C1orf116: variants seen among roughly 807,000 people sequenced by gnomAD.
The protein encoded by C1orf116 is specifically androgen-regulated gene protein.
C1orf116 carries 12 observed loss-of-function variants against 14.1 expected under a neutral mutation model. The observed-to-expected ratio is 0.85, with a 90% confidence interval of 0.54 to 1.38. C1orf116 has a LOEUF of 1.38. Ranked by LOEUF, C1orf116 falls within the 40% of genes most tolerant of loss-of-function variation. C1orf116 has a pLI of 0.00. For missense variants in C1orf116, 797 were observed against 747.0 expected (o/e 1.07, Z -0.78); for synonymous variants, 296 against 299.0 (o/e 0.99, Z 0.10).
At position 207,021,902 on chromosome 1, in the gene C1orf116, T is replaced by G; in HGVS notation, c.*56A>C. Reference sequence around the variant, plus strand: ...TTGCGTGGTGGCAAAGGCTCCCAAGTGGAGCATGTGTCTCTTCTTGTTCAG... The same window carrying G: ...TTGCGTGGTGGCAAAGGCTCCCAAGGGGAGCATGTGTCTCTTCTTGTTCAG... On this transcript the variant is annotated 3_prime_UTR_variant, in exon 4 of 4. Transcript: ENST00000359470. 2.1e-6 allele frequency: 3 copies of G among 1,462,646 alleles called. No homozygotes were observed. Among genetic ancestry groups the G allele is most frequent in the Non-Finnish European group, 2.7e-6 (3 of 1,102,210 alleles). The allele number at this position is 1,462,646 out of a possible 1,614,324, so 90.6% of individuals were successfully genotyped here. A position where few individuals can be genotyped will look rare whatever the true frequency, so the allele number is the denominator to read the frequency against.
intron 1 of C1orf116, among the ~76,000 whole-genome samples, chr1:207,031,386 C>T (rs750110948): frequency 2.0e-5 from 3 of 152,102 alleles, no homozygotes; most frequent in Non-Finnish European, 4.4e-5. Context: ...CTAAATTCAC[C>T]ATCTAGGGCA....
chr1:207,026,395 T>C (rs1276970825), intron 2 of C1orf116, among the ~76,000 whole-genome samples: 1 of 152,248 alleles, frequency 6.6e-6, no homozygotes, highest in Non-Finnish European at 1.5e-5. Flanking sequence ...CCTTCATGAA[T>C]GATTCACTTT....
rs781000116 is a variant in C1orf116 at position 207,023,283 on chromosome 1, G to C, written c.481C>G (p.Pro161Ala). Reference sequence around the variant, plus strand: ...TCAGGCTCTGGCGCAAGCCTCCCCGGTTCTCCAGGGTTGTGACTGCTAGCC... The same window carrying C: ...TCAGGCTCTGGCGCAAGCCTCCCCGCTTCTCCAGGGTTGTGACTGCTAGCC... ...TQASSHNPGEPGRLAPEPEKE... is the reference protein window; with the variant it reads ...TQASSHNPGEAGRLAPEPEKE... Residue 161 changes from proline to alanine, a missense_variant, in exon 4 of 4, where the codon CCG becomes GCG. Coordinates refer to ENST00000359470, the MANE Select transcript of C1orf116 (RefSeq NM_023938.6). The C allele has an allele frequency of 7.4e-6, 12 of 1,614,128 alleles. No homozygotes were observed. The highest frequency in any genetic ancestry group is 1.7e-4 in the Middle Eastern group (1 of 6,060).
intron 2 of C1orf116, among the ~76,000 whole-genome samples, chr1:207,025,568 T>TA (rs1212013820): frequency 6.6e-6 from 1 of 152,186 alleles, no homozygotes; most frequent in Non-Finnish European, 1.5e-5. Flanking sequence ...CTTGATCTGG[T>TA]ATGTCAAGGG....
chr1:207,024,436 G>A (rs1287971455), intron 3 of C1orf116, among the ~76,000 whole-genome samples: 5 of 152,150 alleles, frequency 3.3e-5, no homozygotes, highest in African/African-American at 4.8e-5. Flanking sequence ...GCTCTCTAAC[G>A]AGGGCCTTGA....
chr1:207,032,091 T>A (rs1014565320), intron 1 of C1orf116, among the ~76,000 whole-genome samples: 2 of 152,134 alleles, frequency 1.3e-5, no homozygotes, highest in African/African-American at 4.8e-5. Flanking sequence ...CACATGAGCA[T>A]GATCAAACAC....
chr1:207,029,759 G>A (rs1682190355), intron 1 of C1orf116, among the ~76,000 whole-genome samples: 1 of 152,152 alleles, frequency 6.6e-6, no homozygotes, highest in Admixed American at 6.5e-5. Flanking sequence ...CTAATAATAG[G>A]CGCTGGTGTT....
At position 207,020,041 on chromosome 1, in the gene C1orf116, T is replaced by C. The variant is rs1274798877; in HGVS notation, c.*1917A>G. 6.6e-6 allele frequency: 1 copy of C among 152,130 alleles called. No homozygotes were observed. Among genetic ancestry groups the C allele is most frequent in the Non-Finnish European group, 1.5e-5 (1 of 68,020 alleles). The allele number at this position is 152,130 out of a possible 1,614,324, so 9.4% of individuals were successfully genotyped here. A position where few individuals can be genotyped will look rare whatever the true frequency, so the allele number is the denominator to read the frequency against. ...TCATTCTTCAGGTTATGGGTTGAAA[T>C]AGACACAGAAATCAACTCAGCTGAA... is the stretch of plus-strand genomic sequence containing the variant. On this transcript the variant is annotated 3_prime_UTR_variant, in exon 4 of 4. Transcript: ENST00000359470.
Position 207,023,479 on chromosome 1 carries a change from T to A in C1orf116, c.285A>T (p.Gly95=). 6.2e-7 allele frequency: 1 copy of A among 1,600,902 alleles called. No individual in the cohort carries two copies. The highest frequency in any genetic ancestry group is 1.3e-5 in the African/African-American group (1 of 74,378). Residue 95 remains glycine (G), a splice_region_variant and synonymous_variant, in exon 4 of 4, where the codon GGA becomes GGT. Coordinates refer to ENST00000359470, the MANE Select transcript of C1orf116 (RefSeq NM_023938.6). ...GCTGAGTGATGGTCTCCTCTGGACC[T>A]CCTGTGAGGGTCAGAAAGAACATAA... ...ALPITQPTPR[G]GPEETITQQG...
Position 207,024,868 on chromosome 1 carries a change from C to T in C1orf116, c.283+19G>A, listed in dbSNP as rs368586033. 1.2e-6 allele frequency: 2 copies of T among 1,603,004 alleles called. No homozygotes were observed. Among genetic ancestry groups the T allele is most frequent in the Non-Finnish European group, 1.7e-6 (2 of 1,170,790 alleles). The stretch of plus-strand genomic sequence containing the variant: ...TTTCTGGGTTTTGCTGGGGTTCCAC[C>T]CCAGAGGGTCTGCCTTACCCCGGGG... On this transcript the variant is annotated intron_variant, in intron 3 of 3. Coordinates refer to ENST00000359470, the MANE Select transcript of C1orf116 (RefSeq NM_023938.6).
chr1:207,022,831 T>A lies in C1orf116; in HGVS notation c.933A>T (p.Arg311=), dbSNP rs753873351. 4 of 1,614,064 alleles carry A rather than the reference T, an allele frequency of 2.5e-6. No individual in the cohort carries two copies. Among genetic ancestry groups the A allele is most frequent in the Non-Finnish European group, 3.4e-6 (4 of 1,180,002 alleles). ...GCTGGGGGTCACTGTGGAAACTGCT[T>A]CGGCTGCTCTTCAGAACAATATTAG... ...LPPNIVLKSS[R]SSFHSDPQHW... is the part of the protein sequence containing the mutation. Residue 311 remains arginine, a synonymous_variant, in exon 4 of 4, where the codon CGA becomes CGT. Transcript: ENST00000359470.
chr1:207,029,904 A>G (rs181456117), intron 1 of C1orf116, among the ~76,000 whole-genome samples: 100 of 152,342 alleles, frequency 6.6e-4, no homozygotes, highest in African/African-American at 2.1e-3. Context: ...AATTAACATC[A>G]TATTCTCTAT....
chr1:207,031,425 G>A (rs1369020767), intron 1 of C1orf116, among the ~76,000 whole-genome samples: 1 of 152,072 alleles, frequency 6.6e-6, no homozygotes, highest in Non-Finnish European at 1.5e-5. Flanking sequence ...TGGGGTGTTG[G>A]CTCTGTGGTG....
At position 207,022,302 on chromosome 1, in the gene C1orf116, C is replaced by T; in HGVS notation, c.1462G>A (p.Gly488Ser). The T allele has an allele frequency of 6.2e-7, 1 of 1,613,910 alleles. No individual in the cohort carries two copies. The highest frequency in any genetic ancestry group is 1.1e-5 in the South Asian group (1 of 91,014). ...NFKSNTLERS[G>S]VGLSSYLSTE... Reference sequence around the variant, plus strand: ...GAAAGGTAGCTGCTCAGTCCCACGCCTGAGCGCTCCAGAGTGTTGGACTTG... The same window carrying T: ...GAAAGGTAGCTGCTCAGTCCCACGCTTGAGCGCTCCAGAGTGTTGGACTTG... Residue 488 changes from glycine (G) to serine (S), a missense_variant, in exon 4 of 4, where the codon GGC (glycine) becomes AGC (serine). Transcript: ENST00000359470.
intron 3 of C1orf116, among the ~76,000 whole-genome samples, chr1:207,024,585 C>T (rs1490584284): frequency 6.6e-6 from 1 of 152,260 alleles, no homozygotes; most frequent in African/African-American, 2.4e-5. Flanking sequence ...ACTCCCTCCC[C>T]CGCCTCTGCG....
chr1:207,028,571 A>G (rs1423565715), intron 1 of C1orf116, among the ~76,000 whole-genome samples: 1 of 152,182 alleles, frequency 6.6e-6, no homozygotes, highest in Non-Finnish European at 1.5e-5. Flanking sequence ...CACATTCCCA[A>G]TGAGATTCCC....
chr1:207,022,586 G>A lies in C1orf116; in HGVS notation c.1178C>T (p.Pro393Leu). The A allele has an allele frequency of 1.2e-6, 2 of 1,614,190 alleles. No homozygotes were observed. Among genetic ancestry groups the A allele is most frequent in the Non-Finnish European group, 1.7e-6 (2 of 1,180,026 alleles). ...HLSPAPGLAQ[P>L]AAPAQASAAI... ...TGCTGAGGCCTGGGCTGGAGCTGCA[G>A]GCTGAGCCAGACCTGGAGCTGGGGA... The change falls in exon 4 of 4, where the codon CCT (proline) becomes CTT (leucine). Residue 393 changes from proline to leucine, a missense_variant. Physicochemically the swap from Pro to Leu is moderately conservative, Grantham distance 98. Coordinates refer to ENST00000359470, the MANE Select transcript of C1orf116 (RefSeq NM_023938.6).
At chr1:207,029,381 A>G (rs1487090451) in intron 1 of C1orf116, among the ~76,000 whole-genome samples, 1 of 152,198 alleles carries the variant, frequency 6.6e-6, no homozygotes, top group Non-Finnish European at 1.5e-5. Flanking sequence ...CCCAATACCC[A>G]GAAGCTCAAA....
intron 2 of C1orf116, among the ~76,000 whole-genome samples, chr1:207,027,282 C>G (rs1682107837): frequency 6.6e-6 from 1 of 152,162 alleles, no homozygotes; most frequent in African/African-American, 2.4e-5. Flanking sequence ...GTCTCATTTG[C>G]CCAGTTGCTC....
Sources: allele counts gnomAD v4.1 joint callset (sites outside exome capture counted in the v4.1 genomes callset), GRCh38; gene constraint gnomAD v4.1.1; transcripts MANE v1.5; gene names NCBI Gene and HGNC (gene_info 2026-07-23, HGNC 2026-07-21).